Variants in PPP1R14C observed in about 807,000 individuals in gnomAD.
PPP1R14C encodes protein phosphatase 1 regulatory subunit 14C.
A neutral mutation model predicts 20.4 loss-of-function variants in PPP1R14C; 16 were observed. The observed-to-expected ratio is 0.78, with a 90% CI of 0.53 to 1.19. The LOEUF (loss-of-function observed/expected upper bound fraction) is 1.19, where lower values mean the gene tolerates loss of function less well. PPP1R14C is among the 50% of genes most tolerant of loss of function. PPP1R14C has a pLI of 0.00. For missense variants in PPP1R14C, 211 were observed against 220.1 expected (o/e 0.96, Z 0.26); for synonymous variants, 91 against 91.0 (o/e 1.00, Z 0.00).
intron 1 of PPP1R14C, among the ~76,000 whole-genome samples, chr6:150,182,209 C>T (rs921963162): frequency 6.6e-6 from 1 of 152,316 alleles, no homozygotes; most frequent in Admixed American, 6.5e-5. Context: ...TGTATCCAGA[C>T]CTGCCGGCTT....
At position 150,202,288 on chromosome 6, in the gene PPP1R14C, C is replaced by T. The variant is rs1485326940; in HGVS notation, c.307-12456C>T. Among the ~76,000 whole-genome samples the T allele has an allele frequency of 2.6e-5, 4 of 152,224 alleles. No homozygotes were observed. The South Asian group carries it at 6.2e-4, about 24-fold the overall frequency. On this transcript the variant is annotated intron_variant, in intron 1 of 3. Coordinates refer to ENST00000361131, the MANE Select transcript of PPP1R14C (RefSeq NM_030949.3). ...TCTCTGTGTCCCTCCCCTGTACCCC[C>T]ACTCTGTCACGCAGGCTGGGTCCCA...
At chr6:150,163,689 T>G (rs1388037527) in intron 1 of PPP1R14C, among the ~76,000 whole-genome samples, 1 of 152,210 alleles carries the variant, frequency 6.6e-6, no homozygotes, top group African/African-American at 2.4e-5. Flanking sequence ...CCCACATTGT[T>G]GCATGTCATT....
At chr6:150,211,687 T>G (rs1778026090) in intron 1 of PPP1R14C, among the ~76,000 whole-genome samples, 1 of 152,204 alleles carries the variant, frequency 6.6e-6, no homozygotes, top group South Asian at 2.1e-4. Flanking sequence ...ATTCTCTACT[T>G]GGTACTAGGT....
intron 3 of PPP1R14C, among the ~76,000 whole-genome samples, chr6:150,217,765 A>G (rs1778113524): frequency 6.6e-6 from 1 of 152,206 alleles, no homozygotes; most frequent in South Asian, 2.1e-4. Context: ...AGAAATTATA[A>G]GATCCGTCAG....
chr6:150,149,125 G>A (rs1777213081), intron 1 of PPP1R14C, among the ~76,000 whole-genome samples: 1 of 152,142 alleles, frequency 6.6e-6, no homozygotes, highest in South Asian at 2.1e-4. Flanking sequence ...AAAGAAAACT[G>A]CTTAACACAT....
intron 1 of PPP1R14C, among the ~76,000 whole-genome samples, chr6:150,199,827 C>T (rs1027726087): frequency 6.6e-6 from 1 of 151,522 alleles, no homozygotes; most frequent in Non-Finnish European, 1.5e-5. Flanking sequence ...TATGATTGTG[C>T]CACTGTATTA....
chr6:150,243,970 A>T (rs895224490), intron 3 of PPP1R14C, among the ~76,000 whole-genome samples: 1 of 152,206 alleles, frequency 6.6e-6, no homozygotes, highest in African/African-American at 2.4e-5. Context: ...AAGGAAAACT[A>T]ATCTGGAGTG....
intron 3 of PPP1R14C, among the ~76,000 whole-genome samples, chr6:150,227,994 G>A (rs952995312): frequency 1.4e-4 from 21 of 152,342 alleles, no homozygotes; most frequent in Middle Eastern, 3.4e-3. Flanking sequence ...AGAGCCGTAC[G>A]TGCTGGAGCT....
At chr6:150,246,216 T>C (rs1437017569) in intron 3 of PPP1R14C, among the ~76,000 whole-genome samples, 10 of 152,124 alleles carry the variant, frequency 6.6e-5, no homozygotes, top group Non-Finnish European at 4.4e-5. Context: ...AGTCTTTACT[T>C]TTGAAAATGT....
At chr6:150,170,854 AT>A (rs1478474699) in intron 1 of PPP1R14C, among the ~76,000 whole-genome samples, 2 of 150,036 alleles carry the variant, frequency 1.3e-5, no homozygotes, top group Non-Finnish European at 3.0e-5. Context: ...GGGAAGTGAT[AT>A]GGTCTTATTA....
At chr6:150,203,519 T>G (rs1777904136) in intron 1 of PPP1R14C, among the ~76,000 whole-genome samples, 1 of 152,192 alleles carries the variant, frequency 6.6e-6, no homozygotes, top group African/African-American at 2.4e-5. Context: ...CTTCTCAGGC[T>G]TCTGTGCACC....
intron 3 of PPP1R14C, among the ~76,000 whole-genome samples, chr6:150,222,765 C>CTTTTTTTTTTTTTTTTT (rs4038164): frequency 5.6e-5 from 4 of 71,280 alleles, no homozygotes; most frequent in African/African-American, 1.2e-4. Context: ...TTCAAACTGG[C>CTTTTTTTTTTTTTTTTT]TTTTTTTTTT....
At chr6:150,225,446 T>A (rs1179362143) in intron 3 of PPP1R14C, among the ~76,000 whole-genome samples, 1 of 152,244 alleles carries the variant, frequency 6.6e-6, no homozygotes, top group Non-Finnish European at 1.5e-5. Flanking sequence ...CAAAGGTTGT[T>A]CCTTGTGAGT....
intron 1 of PPP1R14C, among the ~76,000 whole-genome samples, chr6:150,174,984 A>G (rs1442772325): frequency 2.0e-5 from 3 of 151,140 alleles, no homozygotes; most frequent in Non-Finnish European, 4.4e-5. Context: ...AAAAAAAAGT[A>G]GTGAAGAGGA....
chr6:150,179,944 A>G (rs898564999), intron 1 of PPP1R14C, among the ~76,000 whole-genome samples: 5 of 152,186 alleles, frequency 3.3e-5, no homozygotes, highest in African/African-American at 9.7e-5. Flanking sequence ...GCTCCGGCCT[A>G]TAATTCCAGC....
intron 1 of PPP1R14C, among the ~76,000 whole-genome samples, chr6:150,151,309 GC>G (rs1777244522): frequency 2.6e-5 from 4 of 152,090 alleles, no homozygotes; most frequent in Admixed American, 2.6e-4. Flanking sequence ...CCCTCAGTGG[GC>G]GGCAGGCGCT....
intron 1 of PPP1R14C, among the ~76,000 whole-genome samples, chr6:150,209,890 T>C (rs753422246): frequency 9.2e-5 from 14 of 151,488 alleles, no homozygotes; most frequent in Non-Finnish European, 1.8e-4. Flanking sequence ...GTGGAGTGTA[T>C]TCATCTGTGT....
intron 3 of PPP1R14C, among the ~76,000 whole-genome samples, chr6:150,218,476 C>A (rs200173666): frequency 0.2 from 18,327 of 92,890 alleles, 1,478 homozygotes; most frequent in East Asian, 0.32. Flanking sequence ...ACATCTGAAC[C>A]CCCCCCCCCA....
intron 1 of PPP1R14C, among the ~76,000 whole-genome samples, chr6:150,186,341 T>C (rs1777676742): frequency 6.6e-6 from 1 of 152,122 alleles, no homozygotes; most frequent in Non-Finnish European, 1.5e-5. Context: ...GCAAATGCCC[T>C]GCGTAATTTA....
Sources: allele counts gnomAD v4.1 joint callset (sites outside exome capture counted in the v4.1 genomes callset), GRCh38; gene constraint gnomAD v4.1.1; transcripts MANE v1.5; gene names NCBI Gene and HGNC (gene_info 2026-07-23, HGNC 2026-07-21).